The following DPP10 variants were observed in gnomAD, a reference collection of about 807,000 sequenced individuals.
DPP10 encodes the protein inactive dipeptidyl peptidase 10.
A neutral mutation model predicts 120.9 loss-of-function variants in DPP10; 33 were observed. That is an observed-to-expected ratio of 0.27 (90% confidence interval 0.21 to 0.37). The LOEUF (loss-of-function observed/expected upper bound fraction) is 0.37. DPP10 is among the 10% of genes least tolerant of loss of function. The pLI is 1.00. For missense variants in DPP10, 816 were observed against 942.8 expected, an observed-to-expected ratio of 0.87 and a Z score of 1.76; for synonymous variants, 337 against 326.1, an observed-to-expected ratio of 1.03 and a Z score of -0.36.
At chr2:115,147,761 C>G (rs2051311979) in intron 1 of DPP10, among the ~76,000 whole-genome samples, 1 of 152,024 alleles carries the variant, frequency 6.6e-6, no homozygotes, top group Non-Finnish European at 1.5e-5. Flanking sequence ...AATCACTTTT[C>G]ATGGGAGTGG....
At chr2:115,305,075 A>G (rs538855439) in intron 1 of DPP10, among the ~76,000 whole-genome samples, 4 of 152,074 alleles carry the variant, frequency 2.6e-5, no homozygotes, top group Non-Finnish European at 5.9e-5. Flanking sequence ...TGATGCATCC[A>G]TCCACCGGGG....
At chr2:115,484,878 C>A (rs988649503) in intron 3 of DPP10, among the ~76,000 whole-genome samples, 1 of 152,082 alleles carries the variant, frequency 6.6e-6, no homozygotes, top group African/African-American at 2.4e-5. Flanking sequence ...GTAACAATGA[C>A]TTATCTATCA....
intron 1 of DPP10, among the ~76,000 whole-genome samples, chr2:115,071,511 G>T (rs1337939263): frequency 6.6e-6 from 1 of 152,118 alleles, no homozygotes; most frequent in Non-Finnish European, 1.5e-5. Flanking sequence ...AAGGAATTTA[G>T]CTATGTACAG....
intron 1 of DPP10, among the ~76,000 whole-genome samples, chr2:114,583,626 C>T (rs572691114): frequency 2.6e-5 from 4 of 152,068 alleles, no homozygotes; most frequent in African/African-American, 9.7e-5. Context: ...TTAACTGAAA[C>T]TTTGACTTTT....
intron 1 of DPP10, among the ~76,000 whole-genome samples, chr2:114,849,224 T>C (rs1688764708): frequency 6.6e-6 from 1 of 152,162 alleles, no homozygotes. Context: ...TCCACGTGGC[T>C]GAGTGGTGCC....
chr2:115,278,888 T>C (rs2060026348), intron 1 of DPP10, among the ~76,000 whole-genome samples: 1 of 152,184 alleles, frequency 6.6e-6, no homozygotes, highest in African/African-American at 2.4e-5. Context: ...TTTAAAGCTT[T>C]AGCTTTACCT....
intron 1 of DPP10, among the ~76,000 whole-genome samples, chr2:114,460,920 A>G (rs1678875516): frequency 6.6e-6 from 1 of 152,252 alleles, no homozygotes. Context: ...GATGAAAAAT[A>G]ACTGCCACAT....
At chr2:115,772,535 A>G (rs1193975784) in intron 13 of DPP10, among the ~76,000 whole-genome samples, 4 of 152,300 alleles carry the variant, frequency 2.6e-5, no homozygotes, top group East Asian at 1.9e-4. Context: ...CTGGAAATCT[A>G]TATAGCTAAA....
intron 1 of DPP10, among the ~76,000 whole-genome samples, chr2:114,618,814 C>A (rs2105320087): frequency 6.6e-6 from 1 of 151,968 alleles, no homozygotes; most frequent in South Asian, 2.1e-4. Flanking sequence ...AATATTGAAT[C>A]AAATACCCTG....
intron 10 of DPP10, among the ~76,000 whole-genome samples, chr2:115,748,220 T>C: frequency 9.2e-6 from 1 of 108,780 alleles, no homozygotes; most frequent in South Asian, 3.2e-4. Flanking sequence ...ATAATTTACA[T>C]GTTTATGGGT....
intron 5 of DPP10, among the ~76,000 whole-genome samples, chr2:115,667,887 G>A (rs2089582467): frequency 1.3e-5 from 2 of 151,312 alleles, no homozygotes; most frequent in Non-Finnish European, 2.9e-5. Context: ...TCATGCATAT[G>A]TCCCAACTTG....
chr2:115,535,197 T>C (rs2148936321), intron 5 of DPP10, among the ~76,000 whole-genome samples: 1 of 152,152 alleles, frequency 6.6e-6, no homozygotes, highest in East Asian at 1.9e-4. Flanking sequence ...CATGCCTATG[T>C]CCTGAATGGT....
At chr2:115,376,015 A>G (rs868868562) in intron 3 of DPP10, among the ~76,000 whole-genome samples, 13 of 152,178 alleles carry the variant, frequency 8.5e-5, no homozygotes, top group African/African-American at 1.2e-4. Context: ...TTGAGTGTTA[A>G]AGCCCAGAAA....
Position 114,951,356 on chromosome 2 carries a change from A to T in DPP10, c.61-357883A>T, listed in dbSNP as rs559190018. On this transcript the variant is annotated intron_variant, in intron 1 of 25. Transcript: ENST00000410059. ...CTTGTACAAGGAATTTATAATATGAATATGATTAGAACTGAGCGACAAAAA... is the reference window on the plus strand; with the variant it reads ...CTTGTACAAGGAATTTATAATATGATTATGATTAGAACTGAGCGACAAAAA... Among the ~76,000 whole-genome samples the T allele has an allele frequency of 2.6e-5, 4 of 152,322 alleles. No homozygotes were observed. The South Asian group carries it at 8.3e-4, about 32-fold the overall frequency.
chr2:115,167,748 A>G (rs541442394), intron 1 of DPP10, among the ~76,000 whole-genome samples: 1 of 152,270 alleles, frequency 6.6e-6, no homozygotes, highest in South Asian at 2.1e-4. Flanking sequence ...ATATTATATT[A>G]ATGGATTTGG....
chr2:115,740,714 T>A (rs1299686949), intron 9 of DPP10, among the ~76,000 whole-genome samples: 1 of 152,148 alleles, frequency 6.6e-6, no homozygotes, highest in Non-Finnish European at 1.5e-5. Flanking sequence ...GTACTGTTTT[T>A]TCCTCTGTAT....
At chr2:115,749,973 T>C (rs1678497973) in intron 10 of DPP10, 1 of 985,284 alleles carries the variant, frequency 1.0e-6, no homozygotes, top group South Asian at 4.7e-5. Context: ...TCTAACTAGC[T>C]TGTCTCTGTC....
At chr2:115,324,688 A>G (rs2062250661) in intron 2 of DPP10, among the ~76,000 whole-genome samples, 1 of 152,202 alleles carries the variant, frequency 6.6e-6, no homozygotes, top group African/African-American at 2.4e-5. Context: ...TGTATGTTCA[A>G]TAGATTAGCA....
chr2:115,293,904 C>A (rs964589466), intron 1 of DPP10, among the ~76,000 whole-genome samples: 1 of 152,038 alleles, frequency 6.6e-6, no homozygotes, highest in African/African-American at 2.4e-5. Context: ...TTTTGATACT[C>A]ATTGTCTTCC....
Sources: allele counts gnomAD v4.1 joint callset (sites outside exome capture counted in the v4.1 genomes callset), GRCh38; gene constraint gnomAD v4.1.1; transcripts MANE v1.5; gene names NCBI Gene and HGNC (gene_info 2026-07-23, HGNC 2026-07-21).